PTPRK: variants seen among roughly 807,000 people sequenced by gnomAD.
PTPRK encodes protein tyrosine phosphatase receptor type K.
Under a neutral mutation model 178.0 loss-of-function variants are expected in PTPRK, and 75 were observed. The ratio of observed to expected loss-of-function variants is 0.42; its 90% CI spans 0.35 to 0.51. The LOEUF (loss-of-function observed/expected upper bound fraction) is 0.51. Ranked by LOEUF, PTPRK falls within the 20% of genes least tolerant of loss-of-function variation. PTPRK has a pLI of 0.02. For missense variants in PTPRK, 1,441 were observed against 1,797.8 expected (o/e 0.80, Z 3.59); for synonymous variants, 637 against 620.6 (o/e 1.03, Z -0.39).
intron 3 of PTPRK, among the ~76,000 whole-genome samples, chr6:128,283,629 C>T (rs544819438): frequency 6.6e-6 from 1 of 152,106 alleles, no homozygotes; most frequent in African/African-American, 2.4e-5. Context: ...TACAAGTATA[C>T]AGACCGAAAA....
chr6:128,157,473 T>C (rs944723477), intron 7 of PTPRK, among the ~76,000 whole-genome samples: 3 of 151,998 alleles, frequency 2.0e-5, no homozygotes, highest in Non-Finnish European at 4.4e-5. Context: ...TAAAGTGACT[T>C]GATATTTGTT....
intron 13 of PTPRK, among the ~76,000 whole-genome samples, chr6:128,026,894 A>G (rs938879530): frequency 6.6e-5 from 10 of 152,186 alleles, no homozygotes; most frequent in Admixed American, 2.6e-4. Context: ...TTGCTGTGCT[A>G]GATGCTGAGG....
intron 1 of PTPRK, among the ~76,000 whole-genome samples, chr6:128,499,580 T>C (rs1289563971): frequency 2.6e-5 from 4 of 152,292 alleles, no homozygotes; most frequent in Non-Finnish European, 5.9e-5. Flanking sequence ...CACGACATAA[T>C]AGTTAAGAGA....
At position 128,247,112 on chromosome 6, in the gene PTPRK, C is replaced by A. The variant is rs181575835; in HGVS notation, c.496-4510G>T. Among the ~76,000 whole-genome samples the A allele has an allele frequency of 9.9e-5, 15 of 152,236 alleles. No homozygotes were observed. In the East Asian group the frequency reaches 2.9e-3, roughly 29 times the overall value. ...TTAACTCGGGTCTCTGTAGTCTCATCTTGACAATACTGCCTTTCCGTACAT... is the reference window on the plus strand; with the variant it reads ...TTAACTCGGGTCTCTGTAGTCTCATATTGACAATACTGCCTTTCCGTACAT... On this transcript the variant is annotated intron_variant, in intron 3 of 29. Coordinates refer to ENST00000368226, the MANE Select transcript of PTPRK (RefSeq NM_002844.4).
intron 13 of PTPRK, among the ~76,000 whole-genome samples, chr6:128,013,106 T>C (rs1779224755): frequency 6.6e-6 from 1 of 151,396 alleles, no homozygotes; most frequent in African/African-American, 2.4e-5. Flanking sequence ...GACCTCTTAA[T>C]AGCATGTGAC....
At chr6:128,124,840 A>C (rs1028209130) in intron 7 of PTPRK, among the ~76,000 whole-genome samples, 29 of 152,306 alleles carry the variant, frequency 1.9e-4, no homozygotes, top group African/African-American at 7.0e-4. Context: ...TTTTATCTGC[A>C]ACATTTGCCC....
intron 22 of PTPRK, 88 bp from the exon 23 acceptor site, chr6:127,983,465 A>G (rs1336207869): frequency 2.1e-6 from 3 of 1,404,452 alleles, no homozygotes; most frequent in Non-Finnish European, 1.9e-6. Context: ...TCAGATAGGT[A>G]GAATCAAATT....
chr6:128,258,668 C>G (rs149105822), intron 3 of PTPRK, among the ~76,000 whole-genome samples: 2 of 152,202 alleles, frequency 1.3e-5, no homozygotes, highest in African/African-American at 4.8e-5. Flanking sequence ...GGAACAGTGA[C>G]CAAAGTGCTA....
intron 1 of PTPRK, among the ~76,000 whole-genome samples, chr6:128,435,970 C>T (rs1391185236): frequency 7.6e-6 from 1 of 132,106 alleles, no homozygotes; most frequent in Non-Finnish European, 1.6e-5. Flanking sequence ...ATTCAGTCAA[C>T]TGGCCAAAAT....
chr6:128,220,083 T>C (rs1259356312), intron 5 of PTPRK, among the ~76,000 whole-genome samples: 1 of 152,068 alleles, frequency 6.6e-6, no homozygotes, highest in Admixed American at 6.6e-5. Flanking sequence ...GAGTAATAAG[T>C]ATAAACTAAT....
chr6:128,471,604 T>TAAAAAAAAAAAAAA (rs34372021), intron 1 of PTPRK, among the ~76,000 whole-genome samples: 3 of 63,602 alleles, frequency 4.7e-5, no homozygotes, highest in African/African-American at 5.5e-5. Context: ...CAAAACAACC[T>TAAAAAAAAAAAAAA]AAAAAAAAAA....
intron 8 of PTPRK, among the ~76,000 whole-genome samples, chr6:128,087,451 T>G (rs535429581): frequency 6.6e-6 from 1 of 152,232 alleles, no homozygotes; most frequent in East Asian, 1.9e-4. Flanking sequence ...AGATAGAAAT[T>G]TTTTGGAGCT....
intron 1 of PTPRK, among the ~76,000 whole-genome samples, chr6:128,414,211 G>A (rs1842600077): frequency 6.6e-6 from 1 of 152,106 alleles, no homozygotes; most frequent in South Asian, 2.1e-4. Context: ...AGAACCTGAA[G>A]GAATGTCAAG....
At chr6:128,135,078 T>TCTCACACACACACACA (rs764373135) in intron 7 of PTPRK, among the ~76,000 whole-genome samples, 53 of 136,276 alleles carry the variant, frequency 3.9e-4, no homozygotes, top group African/African-American at 1.4e-3. Context: ...AATCATTCAA[T>TCTCACACACACACACA]CACACACACA....
At chr6:128,291,945 T>G (rs1823453896) in intron 3 of PTPRK, among the ~76,000 whole-genome samples, 1 of 152,120 alleles carries the variant, frequency 6.6e-6, no homozygotes, top group East Asian at 1.9e-4. Flanking sequence ...TTTAACCAAT[T>G]GAAGAAAAAC....
At chr6:128,514,005 T>C (rs1240269871) in intron 1 of PTPRK, among the ~76,000 whole-genome samples, 1 of 152,114 alleles carries the variant, frequency 6.6e-6, no homozygotes, top group Non-Finnish European at 1.5e-5. Context: ...ACCTCCACTA[T>C]CCAACACGGA....
At chr6:128,169,783 ATGTGTGTGTGTGTGTG>A (rs10552787) in intron 7 of PTPRK, among the ~76,000 whole-genome samples, 19 of 145,434 alleles carry the variant, frequency 1.3e-4, no homozygotes, top group African/African-American at 3.6e-4. Context: ...TATTTTTTTA[ATGTGTGTGTGTGTGTG>A]TGTGTGTGTG....
At chr6:128,310,727 C>A (rs1378487300) in intron 3 of PTPRK, among the ~76,000 whole-genome samples, 1 of 152,134 alleles carries the variant, frequency 6.6e-6, no homozygotes, top group African/African-American at 2.4e-5. Context: ...TGAGTGAATG[C>A]CATTTATTAA....
chr6:128,369,109 T>C (rs1281278733), intron 2 of PTPRK, among the ~76,000 whole-genome samples: 1 of 18,352 alleles, frequency 5.4e-5, no homozygotes, highest in African/African-American at 1.4e-4. Context: ...CTTTAAAAGA[T>C]ATATTACACA....
Sources: allele counts gnomAD v4.1 joint callset (sites outside exome capture counted in the v4.1 genomes callset), GRCh38; gene constraint gnomAD v4.1.1; transcripts MANE v1.5; gene names NCBI Gene and HGNC (gene_info 2026-07-23, HGNC 2026-07-21).